SCFD2: variants seen among roughly 807,000 people sequenced by gnomAD.
SCFD2 encodes the protein sec1 family domain-containing protein 2.
Under a neutral mutation model 58.9 loss-of-function variants are expected in SCFD2, and 54 were observed. The observed-to-expected ratio is 0.92, with a 90% CI of 0.74 to 1.15. SCFD2 has a LOEUF of 1.15. SCFD2 is among the 50% of genes most tolerant of loss of function. The pLI, the probability that SCFD2 is intolerant of heterozygous loss-of-function variation, is 0.00. For synonymous variants in SCFD2, 321 were observed against 335.9 expected (o/e 0.96, Z 0.49); for missense variants, 805 against 836.6 (o/e 0.96, Z 0.47).
intron 5 of SCFD2, among the ~76,000 whole-genome samples, chr4:52,979,363 A>C (rs751173347): frequency 6.6e-6 from 1 of 152,114 alleles, no homozygotes; most frequent in Non-Finnish European, 1.5e-5. Context: ...CTTCTGTGTC[A>C]TTAAAAGTTC....
At chr4:53,074,006 T>G (rs949790472) in intron 5 of SCFD2, among the ~76,000 whole-genome samples, 2 of 152,168 alleles carry the variant, frequency 1.3e-5, no homozygotes, top group South Asian at 2.1e-4. Flanking sequence ...AAAGTCTGCC[T>G]TATTAACTGA....
chr4:53,077,120 A>C (rs150761147), intron 5 of SCFD2, among the ~76,000 whole-genome samples: 2,213 of 152,280 alleles, frequency 0.015, 20 homozygotes, highest in Middle Eastern at 0.034. Context: ...AATATAGGTT[A>C]TGAGCCTAAG....
intron 4 of SCFD2, among the ~76,000 whole-genome samples, chr4:53,157,017 C>T (rs1726709800): frequency 6.6e-6 from 1 of 152,182 alleles, no homozygotes; most frequent in South Asian, 2.1e-4. Context: ...TCAAGGAAAA[C>T]AACCGATATA....
chr4:53,189,706 A>G (rs529067515), intron 4 of SCFD2, among the ~76,000 whole-genome samples: 1 of 152,308 alleles, frequency 6.6e-6, no homozygotes, highest in Admixed American at 6.5e-5. Context: ...AGGGATTTGG[A>G]AGAGACACAA....
chr4:53,182,156 A>G (rs1447175298), intron 4 of SCFD2, among the ~76,000 whole-genome samples: 1 of 152,348 alleles, frequency 6.6e-6, no homozygotes, highest in East Asian at 1.9e-4. Flanking sequence ...AAACTACTTT[A>G]AAGTTCATAT....
At chr4:52,928,693 G>T (rs920569102) in intron 5 of SCFD2, among the ~76,000 whole-genome samples, 1 of 152,046 alleles carries the variant, frequency 6.6e-6, no homozygotes, top group Non-Finnish European at 1.5e-5. Context: ...TGCTCCTATT[G>T]TTATTGCAGT....
Position 53,248,199 on chromosome 4 carries a change from T to C in SCFD2, c.1311+25627A>G, listed in dbSNP as rs1403280917. On this transcript the variant is annotated intron_variant, in intron 4 of 8. Coordinates refer to ENST00000401642, the MANE Select transcript of SCFD2 (RefSeq NM_152540.4). ...GAAAATCGGGCCACTCCCACCCAAA[T>C]ACTGCGCTTTTCTGACGGGCTTAGG... is the stretch of plus-strand genomic sequence containing the variant. 2.6e-5 allele frequency among the ~76,000 whole-genome samples: 4 copies of C among 152,144 alleles called. 1 individual carries two copies. The highest frequency in any genetic ancestry group is 9.7e-5 in the African/African-American group (4 of 41,426).
chr4:53,298,042 T>C (rs917473217), intron 3 of SCFD2, among the ~76,000 whole-genome samples: 3 of 152,162 alleles, frequency 2.0e-5, no homozygotes, highest in Admixed American at 6.5e-5. Context: ...GGGTGATTTC[T>C]GCATTTCCAA....
intron 5 of SCFD2, among the ~76,000 whole-genome samples, chr4:53,036,369 C>T (rs917165529): frequency 2.0e-5 from 3 of 149,482 alleles, no homozygotes; most frequent in Non-Finnish European, 3.0e-5. Flanking sequence ...TCATCCATGT[C>T]CCTGCAAAGG....
chr4:53,147,963 GAA>G (rs1031780578), intron 4 of SCFD2, among the ~76,000 whole-genome samples: 11 of 152,156 alleles, frequency 7.2e-5, no homozygotes. Flanking sequence ...TAATTTAAAA[GAA>G]AAGAGTCCTG....
At chr4:53,033,337 A>G (rs909661078) in intron 5 of SCFD2, among the ~76,000 whole-genome samples, 1 of 152,214 alleles carries the variant, frequency 6.6e-6, no homozygotes, top group African/African-American at 2.4e-5. Flanking sequence ...AGGGAAATGT[A>G]TAGCACCAAA....
At chr4:53,245,033 T>A (rs1730022690) in intron 4 of SCFD2, among the ~76,000 whole-genome samples, 1 of 151,988 alleles carries the variant, frequency 6.6e-6, no homozygotes, top group Admixed American at 6.5e-5. Context: ...CCTGGACACA[T>A]ACACCCTCCC....
intron 5 of SCFD2, among the ~76,000 whole-genome samples, chr4:53,098,102 G>C (rs550038191): frequency 6.6e-6 from 1 of 152,294 alleles, no homozygotes; most frequent in East Asian, 1.9e-4. Flanking sequence ...TTGATGTGCT[G>C]CTGGATTTGG....
intron 3 of SCFD2, among the ~76,000 whole-genome samples, chr4:53,277,597 AATT>A (rs1209017774): frequency 6.6e-6 from 1 of 152,208 alleles, no homozygotes; most frequent in Non-Finnish European, 1.5e-5. Flanking sequence ...AAAGAAGAGG[AATT>A]AAATAGATTC....
intron 4 of SCFD2, among the ~76,000 whole-genome samples, chr4:53,238,037 C>A (rs1327575646): frequency 7.5e-6 from 1 of 133,090 alleles, no homozygotes; most frequent in Non-Finnish European, 1.6e-5. Flanking sequence ...GATGGGGTGG[C>A]TGGCCGGGCG....
At chr4:53,122,061 C>T (rs920307423) in intron 5 of SCFD2, among the ~76,000 whole-genome samples, 6 of 152,164 alleles carry the variant, frequency 3.9e-5, no homozygotes, top group Non-Finnish European at 7.4e-5. Flanking sequence ...GACTCACTCA[C>T]TTTGATGCCA....
At chr4:53,147,840 GGCTGCT>G (rs1234097137) in intron 4 of SCFD2, among the ~76,000 whole-genome samples, 1 of 152,174 alleles carries the variant, frequency 6.6e-6, no homozygotes, top group Non-Finnish European at 1.5e-5. Context: ...ATTCCTGTTG[GGCTGCT>G]GCATTCAAAG....
At chr4:53,113,842 T>C (rs1348047288) in intron 5 of SCFD2, among the ~76,000 whole-genome samples, 1 of 151,942 alleles carries the variant, frequency 6.6e-6, no homozygotes, top group African/African-American at 2.4e-5. Context: ...TGAGGCATTA[T>C]TTCTTCTCAC....
chr4:53,278,530 A>G (rs1731406885), intron 3 of SCFD2, among the ~76,000 whole-genome samples: 1 of 146,754 alleles, frequency 6.8e-6, no homozygotes, highest in Admixed American at 6.8e-5. Context: ...CTCCATCTCA[A>G]AAAAAAAAAA....
Sources: gnomAD v4.1 joint callset for allele counts (sites outside exome capture counted in the v4.1 genomes callset) on GRCh38, gnomAD v4.1.1 for gene constraint, MANE v1.5 for transcripts, NCBI Gene and HGNC (gene_info 2026-07-23, HGNC 2026-07-21) for gene names.